The following PTPRD variants were observed in gnomAD, a reference collection of about 807,000 sequenced individuals.
PTPRD encodes the protein receptor-type tyrosine-protein phosphatase delta.
A neutral mutation model predicts 214.5 loss-of-function variants in PTPRD; 34 were observed. The observed-to-expected ratio is 0.16, with a 90% confidence interval of 0.12 to 0.21. The LOEUF is 0.21. Ranked by LOEUF, PTPRD falls within the 10% of genes least tolerant of loss-of-function variation. The probability of loss-of-function intolerance (pLI) is 1.00; values close to 1 mark genes in which losing one functional copy is unlikely to be tolerated. For missense variants in PTPRD, 2,545 were observed against 2,398.7 expected, an observed-to-expected ratio of 1.06 and a Z score of -1.27; for synonymous variants, 1,128 against 845.7, an observed-to-expected ratio of 1.33 and a Z score of -5.79.
intron 10 of PTPRD, among the ~76,000 whole-genome samples, chr9:9,024,338 G>GTTTTTTTT (rs746383829): frequency 1.5e-4 from 9 of 61,340 alleles, no homozygotes; most frequent in Non-Finnish European, 2.0e-4. Context: ...TCGATTCTTT[G>GTTTTTTTT]TTTTTTTTTG....
In PTPRD at chr9:8,876,739, C is replaced by G. The variant is rs112244290; in HGVS notation, c.-104+141958G>C. 2.8e-3 allele frequency among the ~76,000 whole-genome samples: 433 copies of G among 152,198 alleles called. 3 individuals carry two copies. Among genetic ancestry groups the G allele is most frequent in the African/African-American group, 9.9e-3 (413 of 41,520 alleles). On this transcript the variant is annotated intron_variant, in intron 11 of 45. Coordinates refer to ENST00000381196, the MANE Select transcript of PTPRD (RefSeq NM_002839.4). ...TAAAACTTTACCAAGTGACCAGGTA[C>G]CCTTTGCAAATAAGAACTTGTTTTC...
At chr9:9,812,267 T>C (rs941282643) in intron 5 of PTPRD, among the ~76,000 whole-genome samples, 3 of 152,166 alleles carry the variant, frequency 2.0e-5, no homozygotes, top group African/African-American at 4.8e-5. Flanking sequence ...TATGGTGATA[T>C]ACTGGAACTG....
At chr9:8,977,852 G>T (rs1256299212) in intron 11 of PTPRD, among the ~76,000 whole-genome samples, 1 of 151,990 alleles carries the variant, frequency 6.6e-6, no homozygotes, top group Non-Finnish European at 1.5e-5. Context: ...GAGGGAGGTA[G>T]AAAATGTAAT....
chr9:9,608,350 T>C (rs1253855681), intron 7 of PTPRD, among the ~76,000 whole-genome samples: 1 of 152,208 alleles, frequency 6.6e-6, no homozygotes, highest in Non-Finnish European at 1.5e-5. Flanking sequence ...ACCTTATTGA[T>C]ACATCGTCTT....
chr9:8,437,263 AT>A, intron 34 of PTPRD: 1 of 1,476,498 alleles, frequency 6.8e-7, no homozygotes, highest in Admixed American at 2.2e-5. Flanking sequence ...GATGGTGTAA[AT>A]AAAATAAAAT....
At chr9:9,413,153 GCCGGA>G in intron 8 of PTPRD, among the ~76,000 whole-genome samples, 1 of 118,778 alleles carries the variant, frequency 8.4e-6, no homozygotes, top group African/African-American at 3.3e-5. Context: ...TGTCGCCCAG[GCCGGA>G]CTGCGGACTG....
chr9:9,162,701 A>C (rs1431896830), intron 10 of PTPRD, among the ~76,000 whole-genome samples: 1 of 151,916 alleles, frequency 6.6e-6, no homozygotes, highest in African/African-American at 2.4e-5. Flanking sequence ...AAAGTAAACA[A>C]CCTTCAACAC....
At chr9:8,614,126 T>A (rs541515474) in intron 14 of PTPRD, among the ~76,000 whole-genome samples, 5 of 152,268 alleles carry the variant, frequency 3.3e-5, no homozygotes, top group African/African-American at 1.2e-4. Context: ...TATTGGTAAA[T>A]GTCATTTAAG....
chr9:8,577,289 T>C (rs1448765347), intron 14 of PTPRD, among the ~76,000 whole-genome samples: 2 of 152,142 alleles, frequency 1.3e-5, no homozygotes, highest in Non-Finnish European at 2.9e-5. Context: ...AGTTTCGCTC[T>C]TGTTGCCCAG....
intron 3 of PTPRD, among the ~76,000 whole-genome samples, chr9:10,201,433 C>G (rs551333907): frequency 6.6e-5 from 10 of 152,038 alleles, no homozygotes; most frequent in African/African-American, 1.9e-4. Flanking sequence ...ATAGATCTTG[C>G]TAGATGAATA....
intron 9 of PTPRD, among the ~76,000 whole-genome samples, chr9:9,383,779 A>G (rs1350417275): frequency 1.3e-5 from 2 of 152,100 alleles, no homozygotes; most frequent in Admixed American, 6.6e-5. Context: ...CCTTACGCTA[A>G]AATTCCAGAG....
intron 11 of PTPRD, among the ~76,000 whole-genome samples, chr9:8,793,776 G>C (rs908972031): frequency 1.3e-5 from 2 of 151,606 alleles, no homozygotes; most frequent in Admixed American, 1.3e-4. Flanking sequence ...TTGGATATTA[G>C]AACAGAAAAA....
intron 8 of PTPRD, among the ~76,000 whole-genome samples, chr9:9,519,416 A>C (rs932183312): frequency 7.9e-5 from 12 of 152,032 alleles, no homozygotes; most frequent in African/African-American, 2.9e-4. Context: ...GATTCTTAGA[A>C]ATGACTAATA....
At chr9:9,970,440 AAAAGAAAAAG>A (rs2095026294) in intron 4 of PTPRD, among the ~76,000 whole-genome samples, 1 of 112,948 alleles carries the variant, frequency 8.9e-6, no homozygotes, top group Non-Finnish European at 2.0e-5. Flanking sequence ...AAAAAAAAAA[AAAAGAAAAAG>A]AAAAAGAAAA....
In PTPRD at chr9:8,911,936, C is replaced by G. The variant is rs1259427112; in HGVS notation, c.-104+106761G>C. On this transcript the variant is annotated intron_variant, in intron 11 of 45. Coordinates refer to ENST00000381196, the MANE Select transcript of PTPRD (RefSeq NM_002839.4). ...CTTCGTTAGTCATTAGATAAATGCC[C>G]ATTAAAACTGCAATGCGATACAACC... Among the ~76,000 whole-genome samples the G allele has an allele frequency of 2.0e-5, 3 of 151,932 alleles. No homozygotes were observed. The East Asian group carries it at 5.8e-4, about 29-fold the overall frequency.
At chr9:9,003,262 T>C (rs2099430693) in intron 11 of PTPRD, among the ~76,000 whole-genome samples, 1 of 152,000 alleles carries the variant, frequency 6.6e-6, no homozygotes, top group African/African-American at 2.4e-5. Flanking sequence ...TCCTTCAGTT[T>C]TTCCTCTATT....
At chr9:10,047,518 T>C (rs1462011315) in intron 3 of PTPRD, among the ~76,000 whole-genome samples, 1 of 152,046 alleles carries the variant, frequency 6.6e-6, no homozygotes, top group Non-Finnish European at 1.5e-5. Context: ...GAAAATATCT[T>C]CCTTGTGTTT....
intron 11 of PTPRD, among the ~76,000 whole-genome samples, chr9:8,990,444 T>C (rs2099361950): frequency 1.3e-5 from 2 of 152,110 alleles, no homozygotes; most frequent in African/African-American, 4.8e-5. Context: ...CATAGTAGGT[T>C]GTTGGGGCTC....
At chr9:8,412,785 A>G (rs1369897570) in intron 35 of PTPRD, among the ~76,000 whole-genome samples, 3 of 152,132 alleles carry the variant, frequency 2.0e-5, no homozygotes, top group Non-Finnish European at 4.4e-5. Context: ...CTGCTCTCCT[A>G]CTTACTATAT....
Sources: allele counts gnomAD v4.1 joint callset (sites outside exome capture counted in the v4.1 genomes callset), GRCh38; gene constraint gnomAD v4.1.1; transcripts MANE v1.5; gene names NCBI Gene and HGNC (gene_info 2026-07-23, HGNC 2026-07-21).